The following PRH1 variants were observed in gnomAD, a reference collection of about 807,000 sequenced individuals.
The protein encoded by PRH1 is salivary acidic proline-rich phosphoprotein 1/2.
PRH1 carries 7 observed loss-of-function variants against 7.9 expected under a neutral mutation model. The observed-to-expected ratio is 0.89, with a 90% CI of 0.50 to 1.67. The LOEUF is 1.67. Ranked by LOEUF, PRH1 falls within the 40% of genes most tolerant of loss-of-function variation. PRH1 has a pLI of 0.00. For synonymous variants in PRH1, 45 were observed against 80.8 expected, an observed-to-expected ratio of 0.56 and a Z score of 2.38; for missense variants, 109 against 223.6, an observed-to-expected ratio of 0.49 and a Z score of 3.27.
intron 2 of PRH1, among the ~76,000 whole-genome samples, chr12:10,926,536 C>T (rs1038920235): frequency 2.0e-5 from 3 of 152,130 alleles, no homozygotes; most frequent in Non-Finnish European, 2.9e-5. Flanking sequence ...GTGATATGAT[C>T]TAATTTCTAC....
intron 1 of PRH1, among the ~76,000 whole-genome samples, chr12:11,072,782 A>G (rs76704941): frequency 0.42 from 37,128 of 88,886 alleles, 4,549 homozygotes; most frequent in Non-Finnish European, 0.51. Context: ...TTAAGTGAAT[A>G]TTTCTTGTTT....
At chr12:10,996,212 C>T (rs1156386557) in intron 1 of PRH1, among the ~76,000 whole-genome samples, 2 of 151,686 alleles carry the variant, frequency 1.3e-5, no homozygotes, top group Non-Finnish European at 2.9e-5. Flanking sequence ...GCCTGGAGTC[C>T]CAGCCACTCA....
At chr12:11,085,206 A>G (rs1196382414) in intron 1 of PRH1, among the ~76,000 whole-genome samples, 9 of 150,196 alleles carry the variant, frequency 6.0e-5, no homozygotes, top group Admixed American at 5.4e-4. Flanking sequence ...ATTATGCTAG[A>G]CATATTTCCT....
rs1438562112 is a variant in PRH1 at position 11,089,407 on chromosome 12, C to G, written n.124-42219G>C. Among the ~76,000 whole-genome samples the G allele has an allele frequency of 1.9e-5, 2 of 106,666 alleles. 1 individual carries two copies. The highest frequency in any genetic ancestry group is 6.1e-5 in the African/African-American group (2 of 32,592). 70.0% of individuals were successfully genotyped at this position (106,666 alleles called of 152,430 possible). A position where few individuals can be genotyped will look rare whatever the true frequency, so the allele number is the denominator to read the frequency against. On this transcript the variant is annotated intron_variant and non_coding_transcript_variant, in intron 1 of 4. Transcript: ENST00000541977. ...GACTAATGCCAGCTGTGGTTTCCCC[C>G]TGTAGCCCTTCTGGAAAAAGTGCTG... is the stretch of plus-strand genomic sequence containing the variant.
intron 2 of PRH1, among the ~76,000 whole-genome samples, chr12:10,924,266 C>T (rs980669900): frequency 2.0e-5 from 3 of 152,156 alleles, no homozygotes; most frequent in Non-Finnish European, 2.9e-5. Flanking sequence ...GGATTACAGG[C>T]GTGAGACACG....
intron 1 of PRH1, among the ~76,000 whole-genome samples, chr12:11,000,239 G>A (rs2136017006): frequency 6.6e-6 from 1 of 152,018 alleles, no homozygotes; most frequent in Non-Finnish European, 1.5e-5. Flanking sequence ...ATTTTATTCA[G>A]TCAACATTCA....
intron 1 of PRH1, among the ~76,000 whole-genome samples, chr12:11,012,359 T>C (rs1941104032): frequency 6.6e-6 from 1 of 152,130 alleles, no homozygotes; most frequent in Admixed American, 6.6e-5. Context: ...GAGACTCCAT[T>C]TTACGAATTC....
intron 1 of PRH1, among the ~76,000 whole-genome samples, chr12:11,042,623 CTTTTTTTTT>C (rs71051557): frequency 1.3e-5 from 1 of 79,320 alleles, no homozygotes; most frequent in African/African-American, 5.3e-5. Context: ...CAGGCTCATT[CTTTTTTTTT>C]TTTTTTTTTT....
chr12:10,930,294 G>C (rs1130412), intron 2 of PRH1: 1 of 1,612,516 alleles, frequency 6.2e-7, no homozygotes. Flanking sequence ...ACGTTCCCTT[G>C]GTAATATCAG....
At chr12:11,128,677 A>T (rs1946221325) in intron 1 of PRH1, among the ~76,000 whole-genome samples, 1 of 152,102 alleles carries the variant, frequency 6.6e-6, no homozygotes, top group East Asian at 1.9e-4. Flanking sequence ...CCCAGAAGGC[A>T]GAGGTTATAG....
chr12:11,088,201 CGTG>C (rs1944772921), intron 1 of PRH1, among the ~76,000 whole-genome samples: 1 of 129,030 alleles, frequency 7.8e-6, no homozygotes, highest in Non-Finnish European at 1.8e-5. Flanking sequence ...ATTAGCCAGG[CGTG>C]ATGTTGTGCC....
chr12:11,025,441 T>G, intron 1 of PRH1, among the ~76,000 whole-genome samples: 1 of 151,162 alleles, frequency 6.6e-6, no homozygotes, highest in Admixed American at 6.6e-5. Flanking sequence ...AATACAGTTC[T>G]TTTCAACATA....
intron 1 of PRH1, chr12:11,062,160 G>A (rs1943636220): frequency 6.2e-7 from 1 of 1,613,564 alleles, no homozygotes; most frequent in South Asian, 1.1e-5. Flanking sequence ...TGAGAATTTG[G>A]TCAGCAAAAG....
intron 1 of PRH1, chr12:10,986,047 G>GATAT: frequency 6.2e-7 from 1 of 1,614,036 alleles, no homozygotes; most frequent in East Asian, 2.2e-5. Context: ...TCGAATGCAA[G>GATAT]ATATATGTTT....
chr12:10,994,663 A>G (rs1266100041), intron 1 of PRH1, among the ~76,000 whole-genome samples: 5 of 150,136 alleles, frequency 3.3e-5, no homozygotes, highest in Non-Finnish European at 4.5e-5. Context: ...CTGATAAGAT[A>G]TTCATTCAGT....
chr12:10,981,365 A>ATTT lies in PRH1; in HGVS notation c.-125-7647_-125-7645dup, dbSNP rs528019045. Among the ~76,000 whole-genome samples the ATTT allele has an allele frequency of 5.6e-4, 63 of 111,588 alleles. 2 individuals carry two copies. Among genetic ancestry groups the ATTT allele is most frequent in the African/African-American group, 1.5e-3 (43 of 29,378 alleles). The allele number at this position is 111,588 out of a possible 152,430, so 73.2% of individuals were successfully genotyped here. A position where few individuals can be genotyped will look rare whatever the true frequency, so the allele number is the denominator to read the frequency against. ...TACGGTGGCAAATTTTTACTTCTGG[A>ATTT]TTTTTTTTTTTTTTTTTTTTTTTTT... On this transcript the variant is annotated intron_variant, in intron 1 of 3. Transcript: ENST00000539853.
intron 2 of PRH1, among the ~76,000 whole-genome samples, chr12:10,948,811 G>A (rs1950526841): frequency 6.6e-6 from 1 of 152,090 alleles, no homozygotes; most frequent in Non-Finnish European, 1.5e-5. Context: ...TTTTCACCAG[G>A]GAGAGCCTTT....
intron 2 of PRH1, among the ~76,000 whole-genome samples, chr12:10,946,442 AG>A (rs1398650751): frequency 6.6e-6 from 1 of 152,174 alleles, no homozygotes; most frequent in African/African-American, 2.4e-5. Context: ...AGGTGTTTAC[AG>A]TGGTTCTGAT....
chr12:11,146,502 T>C (rs1946865673), intron 1 of PRH1, among the ~76,000 whole-genome samples: 1 of 152,142 alleles, frequency 6.6e-6, no homozygotes, highest in South Asian at 2.1e-4. Flanking sequence ...TCTTTCTGTA[T>C]TCATTATCAA....
Sources: gnomAD v4.1 joint callset for allele counts (sites outside exome capture counted in the v4.1 genomes callset) on GRCh38, gnomAD v4.1.1 for gene constraint, MANE v1.5 for transcripts, NCBI Gene and HGNC (gene_info 2026-07-23, HGNC 2026-07-21) for gene names.